The following STRADB variants were observed in gnomAD, a reference collection of about 807,000 sequenced individuals.
STRADB encodes the protein STE20 related adaptor beta.
STRADB carries 34 observed loss-of-function variants against 52.1 expected under a neutral mutation model. That is an observed-to-expected ratio of 0.65 (90% confidence interval 0.50 to 0.87). STRADB has a LOEUF of 0.87. Ranked by LOEUF, STRADB falls within the 40% of genes least tolerant of loss-of-function variation. The probability of loss-of-function intolerance (pLI) is 0.00; values close to 1 mark genes in which losing one functional copy is unlikely to be tolerated. For synonymous variants in STRADB, 133 were observed against 174.5 expected, an observed-to-expected ratio of 0.76 and a Z score of 1.87; for missense variants, 340 against 483.9, an observed-to-expected ratio of 0.70 and a Z score of 2.79.
At chr2:201,465,247 C>T (rs1458488909) in intron 3 of STRADB, among the ~76,000 whole-genome samples, 1 of 152,214 alleles carries the variant, frequency 6.6e-6, no homozygotes. Context: ...ACCCAAGGCC[C>T]ACAGCAGGTA....
chr2:201,454,883 G>C (rs376742926), intron 2 of STRADB, 31 bp downstream of exon 2: 131 of 1,601,114 alleles, frequency 8.2e-5, no homozygotes, highest in Non-Finnish European at 1.1e-4. Flanking sequence ...ATCTGATTTT[G>C]TTCTGTCAGA....
intron 5 of STRADB, 91 bp downstream of exon 5, chr2:201,473,167 A>G (rs1952418233): frequency 9.1e-7 from 1 of 1,099,662 alleles, no homozygotes; most frequent in Non-Finnish European, 1.2e-6. Context: ...TAGAAAATAT[A>G]TATTTTAAAA....
At chr2:201,453,151 C>T (rs1952075704) in intron 1 of STRADB, among the ~76,000 whole-genome samples, 1 of 151,958 alleles carries the variant, frequency 6.6e-6, no homozygotes, top group African/African-American at 2.4e-5. Context: ...TTAAACCACC[C>T]CATAGGGACA....
intron 5 of STRADB, among the ~76,000 whole-genome samples, chr2:201,474,126 G>T (rs2714489): frequency 0.29 from 44,178 of 151,874 alleles, 6,721 homozygotes; most frequent in Admixed American, 0.38. Flanking sequence ...TCCTGATGTC[G>T]TGATCTGCCT....
At chr2:201,479,365 T>C in intron 10 of STRADB, 124 bp from the exon 11 acceptor site, 1 of 839,610 alleles carries the variant, frequency 1.2e-6, no homozygotes, top group Non-Finnish European at 1.8e-6. Flanking sequence ...CTGACATACA[T>C]TCTTTTTAAT....
intron 3 of STRADB, among the ~76,000 whole-genome samples, chr2:201,468,383 A>C (rs1188733469): frequency 6.6e-6 from 1 of 151,994 alleles, no homozygotes; most frequent in Non-Finnish European, 1.5e-5. Context: ...TTGATCTCTG[A>C]CTTTGCTGGG....
At chr2:201,477,129 A>G (rs1952490387) in intron 7 of STRADB, among the ~76,000 whole-genome samples, 1 of 122,044 alleles carries the variant, frequency 8.2e-6, no homozygotes, top group Non-Finnish European at 1.6e-5. Flanking sequence ...CAGTGGTGCA[A>G]TCTTGGCTCA....
At chr2:201,479,352 C>G in intron 10 of STRADB, 137 bp from the exon 11 acceptor site, 2 of 725,204 alleles carry the variant, frequency 2.8e-6, no homozygotes, top group Non-Finnish European at 2.2e-6. Flanking sequence ...AAGAATTGGG[C>G]TTCTGACATA....
chr2:201,457,608 AG>A (rs1952146598), intron 2 of STRADB, among the ~76,000 whole-genome samples: 1 of 152,258 alleles, frequency 6.6e-6, no homozygotes, highest in East Asian at 1.9e-4. Context: ...ATATCTTAAA[AG>A]GAAATTTATA....
At chr2:201,478,734 T>TA in intron 10 of STRADB, 133 bp downstream of exon 10, 2 of 1,080,688 alleles carry the variant, frequency 1.9e-6, no homozygotes, top group Non-Finnish European at 2.6e-6. Flanking sequence ...ATATCAATGC[T>TA]AAGAACAATT....
At position 201,480,095 on chromosome 2, in the gene STRADB, A is replaced by G. The variant is rs771636247; in HGVS notation, c.1177A>G (p.Ile393Val). The change falls in exon 12 of 12, where the codon ATA becomes GTA. Residue 393 changes from isoleucine (I) to valine (V), a missense_variant. Physicochemically the swap from Ile to Val is conservative, Grantham distance 29. Transcript: ENST00000194530. The stretch of plus-strand genomic sequence containing the variant: ...GCCTCCTGCTTATAACAAGCCATCA[A>G]TATCATTGCCTCCAGTGTTACCTTG... ...LLPPAYNKPS[I>V]SLPPVLPWTE... is the part of the protein sequence containing the mutation. 25 of 1,613,756 alleles carry G rather than the reference A, an allele frequency of 1.5e-5. No homozygotes were observed. The highest frequency in any genetic ancestry group is 2.2e-5 in the South Asian group (2 of 91,080).
In STRADB at chr2:201,478,155, T is replaced by C. The variant is rs765165127; in HGVS notation, c.789T>C (p.Ser263=). Residue 263 remains serine, a synonymous_variant, in exon 9 of 12, where the codon AGT becomes AGC. Transcript: ENST00000194530. Reference sequence around the variant, plus strand: ...GGATTACAGCATGTGAATTAGCCAGTGGGCAGGTGCCTTTCCAGGACATGC... The same window carrying C: ...GGATTACAGCATGTGAATTAGCCAGCGGGCAGGTGCCTTTCCAGGACATGC... The part of the protein sequence containing the change: ...SVGITACELA[S]GQVPFQDMHR... 5.6e-6 allele frequency: 9 copies of C among 1,613,814 alleles called. No individual in the cohort carries two copies. The highest frequency in any genetic ancestry group is 7.6e-6 in the Non-Finnish European group (9 of 1,179,920).
intron 8 of STRADB, 80 bp downstream of exon 8, chr2:201,477,870 A>G (rs1037273910): frequency 2.3e-5 from 35 of 1,532,576 alleles, no homozygotes; most frequent in Admixed American, 1.1e-4. Context: ...GTGTCTTTAT[A>G]TTTGGATTGG....
intron 3 of STRADB, among the ~76,000 whole-genome samples, chr2:201,463,224 C>T (rs1157500567): frequency 6.6e-6 from 1 of 150,912 alleles, no homozygotes; most frequent in African/African-American, 2.4e-5. Flanking sequence ...GTAATCCCGC[C>T]TACTTGGGAG....
rs1052530340 is a variant in STRADB at position 201,458,803 on chromosome 2, G to A, written c.32G>A (p.Arg11Lys). 4 of 1,613,524 alleles carry A rather than the reference G, an allele frequency of 2.5e-6. No homozygotes were observed. In the African/African-American group the frequency reaches 5.3e-5, roughly 22 times the overall value. MSLLDCFCTS[R>K]TQVESLRPEK... ...TTCCAGGATTGCTTCTGCACTTCAA[G>A]AACACAAGTTGAATCACTCAGACCT... Residue 11 changes from arginine (R) to lysine (K), a missense_variant, in exon 3 of 12, where the codon AGA (arginine) becomes AAA (lysine). Transcript: ENST00000194530.
In STRADB at chr2:201,454,785, G is replaced by A. The variant is rs1207935251; in HGVS notation, c.-56G>A. On this transcript the variant is annotated 5_prime_UTR_variant, in exon 2 of 12. Coordinates refer to ENST00000194530, the MANE Select transcript of STRADB (RefSeq NM_018571.6). ...ATCTTGAAAGGAAGATAAAACAAAA[G>A]CCTTCTTTGGAATAGATGGATTTTT... The A allele has an allele frequency of 6.5e-7, 1 of 1,537,870 alleles. No homozygotes were observed. Among genetic ancestry groups the A allele is most frequent in the African/African-American group, 1.4e-5 (1 of 72,156 alleles).
chr2:201,479,474 T>G lies in STRADB; in HGVS notation c.1071-15T>G. On this transcript the variant is annotated splice_polypyrimidine_tract_variant and intron_variant, in intron 10 of 11. Coordinates refer to ENST00000194530, the MANE Select transcript of STRADB (RefSeq NM_018571.6). ...TATAAAGGTTTTTTTTTTATAACTT[T>G]CTTAAAAATTTCAGGCCATCAGCAA... is the stretch of plus-strand genomic sequence containing the variant. The G allele has an allele frequency of 6.3e-7, 1 of 1,591,348 alleles. No individual in the cohort carries two copies. Among genetic ancestry groups the G allele is most frequent in the Non-Finnish European group, 8.5e-7 (1 of 1,173,736 alleles).
chr2:201,475,992 A>G (rs1309737694), intron 7 of STRADB, among the ~76,000 whole-genome samples: 2 of 152,142 alleles, frequency 1.3e-5, no homozygotes, highest in African/African-American at 4.8e-5. Context: ...GCCCTCATGG[A>G]GCTCACAGTC....
chr2:201,472,923 G>T (rs1465306779), intron 4 of STRADB, 32 bp from the exon 5 acceptor site: 15 of 1,536,504 alleles, frequency 9.8e-6, no homozygotes, highest in Admixed American at 6.3e-5. Flanking sequence ...TTCTTCTTTG[G>T]TTACTAACAT....
Sources: gnomAD v4.1 joint callset for allele counts (sites outside exome capture counted in the v4.1 genomes callset) on GRCh38, gnomAD v4.1.1 for gene constraint, MANE v1.5 for transcripts, NCBI Gene and HGNC (gene_info 2026-07-23, HGNC 2026-07-21) for gene names.